MOB4: variants seen among roughly 807,000 people sequenced by gnomAD.
MOB4 encodes MOB-like protein phocein.
A neutral mutation model predicts 32.2 loss-of-function variants in MOB4; 4 were observed. That is an observed-to-expected ratio of 0.12 (90% CI 0.06 to 0.28). MOB4 has a LOEUF of 0.28. Among genes scored for constraint, MOB4 ranks in the 10% least tolerant of loss-of-function variants. The pLI is 1.00. For missense variants in MOB4, 158 were observed against 271.2 expected (o/e 0.58, Z 2.93); for synonymous variants, 88 against 88.1 (o/e 1.00, Z 0.01).
chr2:197,539,796 C>G (rs2086866727), intron 3 of MOB4, among the ~76,000 whole-genome samples: 1 of 152,054 alleles, frequency 6.6e-6, no homozygotes, highest in African/African-American at 2.4e-5. Context: ...ATGACTTAGT[C>G]GAAAAGTATA....
At chr2:197,525,709 CAAAAA>C (rs368659222) in intron 2 of MOB4, among the ~76,000 whole-genome samples, 1 of 64,618 alleles carries the variant, frequency 1.5e-5, no homozygotes, top group Admixed American at 1.8e-4. Context: ...GACCCTATCT[CAAAAA>C]AAAAAAAAAA....
intron 6 of MOB4, among the ~76,000 whole-genome samples, chr2:197,549,709 C>A (rs2087060143): frequency 6.6e-6 from 1 of 151,848 alleles, no homozygotes. Context: ...GCCACCACGC[C>A]TGGCTGATTT....
chr2:197,523,778 G>GTAGT (rs1305198959), intron 2 of MOB4, 92 bp downstream of exon 2: 2 of 1,212,636 alleles, frequency 1.6e-6, no homozygotes, highest in Non-Finnish European at 2.3e-6. Flanking sequence ...TCACTGTGCA[G>GTAGT]CAGTCTGCTT....
In MOB4 at chr2:197,550,276, G is replaced by T; in HGVS notation, c.436G>T (p.Val146Phe). 1 of 1,610,980 alleles carries T rather than the reference G, an allele frequency of 6.2e-7. No individual in the cohort carries two copies. Among genetic ancestry groups the T allele is most frequent in the Non-Finnish European group, 8.5e-7 (1 of 1,179,214 alleles). Residue 146 changes from valine to phenylalanine, a missense_variant and splice_region_variant, in exon 7 of 8, where the codon GTT becomes TTT. By Grantham distance (50) the Val-to-Phe change is conservative (BLOSUM62 -1). This residue lies in a region of MOB4 where 22 missense variants were observed against 61.2 expected (regional missense o/e 0.36). Transcript: ENST00000323303. ...CTATGGTTTCTTTTCTACTTCTAGG[G>T]TTAGCATAAAGGAATCATCTGTAGC... ...LNSNKYFPSR[V>F]SIKESSVAKL...
intron 5 of MOB4, among the ~76,000 whole-genome samples, chr2:197,546,313 G>A (rs1046960927): frequency 1.3e-5 from 2 of 151,994 alleles, no homozygotes; most frequent in African/African-American, 4.8e-5. Context: ...CACCTGCCTC[G>A]GCCTCCCAAA....
chr2:197,516,918 A>G (rs1454734309), intron 1 of MOB4, among the ~76,000 whole-genome samples: 1 of 152,188 alleles, frequency 6.6e-6, no homozygotes, highest in Non-Finnish European at 1.5e-5. Context: ...AAATAAATAA[A>G]TAAAATTGGC....
At chr2:197,519,221 T>G (rs2086472032) in intron 1 of MOB4, among the ~76,000 whole-genome samples, 1 of 152,224 alleles carries the variant, frequency 6.6e-6, no homozygotes, top group South Asian at 2.1e-4. Context: ...AATAAATGTT[T>G]GTTGGTTGAA....
chr2:197,518,481 C>T (rs1405047920), intron 1 of MOB4, among the ~76,000 whole-genome samples: 4 of 150,582 alleles, frequency 2.7e-5, no homozygotes, highest in Non-Finnish European at 4.4e-5. Context: ...AGGCTGGTCT[C>T]GAACTCCTGA....
rs1210069324 is a variant in MOB4 at position 197,520,115 on chromosome 2, CA to C, written c.61-3508del. On this transcript the variant is annotated intron_variant, in intron 1 of 7. Transcript: ENST00000323303. ...AGACATTCTCTGTCTTCTACCCTAT[CA>C]TTCCTTTTCTTTTCTGTATACTTTT... 2.6e-5 allele frequency among the ~76,000 whole-genome samples: 4 copies of C among 152,012 alleles called. No individual in the cohort carries two copies. The East Asian group carries it at 7.7e-4, about 29-fold the overall frequency.
At chr2:197,522,799 G>A (rs563864457) in intron 1 of MOB4, among the ~76,000 whole-genome samples, 2 of 151,978 alleles carry the variant, frequency 1.3e-5, no homozygotes, top group African/African-American at 4.8e-5. Flanking sequence ...GGCGGATCAC[G>A]AGATCAAGAG....
At chr2:197,540,707 T>C (rs1282110783) in intron 5 of MOB4, among the ~76,000 whole-genome samples, 1 of 152,238 alleles carries the variant, frequency 6.6e-6, no homozygotes, top group Admixed American at 6.5e-5. Flanking sequence ...TGTGCTGATA[T>C]CTACTGTGTA....
At chr2:197,538,518 T>C (rs766062195) in intron 3 of MOB4, among the ~76,000 whole-genome samples, 5 of 152,052 alleles carry the variant, frequency 3.3e-5, no homozygotes, top group Non-Finnish European at 7.4e-5. Flanking sequence ...TATCTCCCAC[T>C]AGCTCATATT....
At chr2:197,535,506 C>A in intron 2 of MOB4, 24 bp from the exon 3 acceptor site, 1 of 1,566,954 alleles carries the variant, frequency 6.4e-7, no homozygotes. Flanking sequence ...ATTTAATTAA[C>A]CATAAGAACT....
rs1428444022 is a variant in MOB4, at chr2:197,551,972, CATG to C, written c.*1328_*1330del. ...CCAACTTTTGAACAGATTTAACAAA[CATG>C]AGGAACTTTTTTATTTAGAAGGATA... On this transcript the variant is annotated 3_prime_UTR_variant, in exon 8 of 8. Transcript: ENST00000323303. 2.0e-5 allele frequency: 3 copies of C among 150,540 alleles called. No homozygotes were observed. Among genetic ancestry groups the C allele is most frequent in the Non-Finnish European group, 3.0e-5 (2 of 67,792 alleles). The allele number at this position is 150,540 out of a possible 1,614,324, so 9.3% of individuals were successfully genotyped here.
At chr2:197,543,014 T>G (rs981102001) in intron 5 of MOB4, among the ~76,000 whole-genome samples, 3 of 152,036 alleles carry the variant, frequency 2.0e-5, no homozygotes, top group African/African-American at 7.2e-5. Flanking sequence ...AAATACTGGA[T>G]TTCGAAGACA....
intron 1 of MOB4, 200 bp downstream of exon 1, chr2:197,516,346 C>A: frequency 1.4e-6 from 2 of 1,423,322 alleles, no homozygotes; most frequent in South Asian, 3.0e-5. Context: ...TGCGGAGCTC[C>A]GACCCAGGGG....
In MOB4 at chr2:197,540,297, A is replaced by G. The variant is rs551955103; in HGVS notation, c.268-54A>G. On this transcript the variant is annotated intron_variant, in intron 4 of 7. Coordinates refer to ENST00000323303, the MANE Select transcript of MOB4 (RefSeq NM_015387.5). ...TTATGGAAATATAGTAACCTAAATG[A>G]TAAGCTTTTTCATTATTATTTTACA... 3,838 of 1,475,254 alleles carry G rather than the reference A, an allele frequency of 2.6e-3. 13 individuals carry two copies. The highest frequency in any genetic ancestry group is 3.2e-3 in the Non-Finnish European group (3,574 of 1,112,048). 91.4% of individuals were successfully genotyped at this position (1,475,254 alleles called of 1,614,324 possible).
intron 3 of MOB4, among the ~76,000 whole-genome samples, chr2:197,538,927 T>A (rs1443000532): frequency 6.6e-6 from 1 of 152,218 alleles, no homozygotes; most frequent in African/African-American, 2.4e-5. Context: ...GGAAAGGAAA[T>A]GCAGTTACAA....
At chr2:197,535,884 C>CTCT (rs1196600069) in intron 3 of MOB4, among the ~76,000 whole-genome samples, 15 of 150,810 alleles carry the variant, frequency 9.9e-5, no homozygotes, top group Admixed American at 2.6e-4. Context: ...CTCTGCACCT[C>CTCT]TCTTCTTTTC....
Sources: gnomAD v4.1 joint callset for allele counts (sites outside exome capture counted in the v4.1 genomes callset) on GRCh38, gnomAD v4.1.1 for gene constraint, gnomAD v4.1.1 regional missense constraint, MANE v1.5 for transcripts, NCBI Gene and HGNC (gene_info 2026-07-23, HGNC 2026-07-21) for gene names.